The following TKT variants were observed in gnomAD, a reference collection of about 807,000 sequenced individuals.
TKT encodes transketolase, also known as epididymis luminal protein 107.
TKT carries 47 observed loss-of-function variants against 63.9 expected under a neutral mutation model. The ratio of observed to expected loss-of-function variants is 0.74; its 90% CI spans 0.58 to 0.94. The LOEUF (loss-of-function observed/expected upper bound fraction) is 0.94, where lower values mean the gene tolerates loss of function less well. TKT is among the 40% of genes least tolerant of loss of function. TKT has a pLI of 0.00. For synonymous variants in TKT, 338 were observed against 334.1 expected, an observed-to-expected ratio of 1.01 and a Z score of -0.13; for missense variants, 721 against 846.2, an observed-to-expected ratio of 0.85 and a Z score of 1.84.
chr3:53,235,973 G>A (rs1427673822), intron 4 of TKT, among the ~76,000 whole-genome samples: 1 of 152,290 alleles, frequency 6.6e-6, no homozygotes, highest in East Asian at 1.9e-4. Flanking sequence ...GGGGGTAGCA[G>A]AGGGACGGCA....
In TKT at chr3:53,227,629, C is replaced by G. The variant is rs551447297; in HGVS notation, c.1573+427G>C. 21 of 168,066 alleles carry G rather than the reference C, an allele frequency of 1.2e-4. No homozygotes were observed. In the East Asian group the frequency reaches 3.4e-3, roughly 27 times the overall value. The allele number at this position is 168,066 out of a possible 1,614,324, so 10.4% of individuals were successfully genotyped here. A position where few individuals can be genotyped will look rare whatever the true frequency, so the allele number is the denominator to read the frequency against. ...AGCTCGCAGTAATAATAATAGAATA[C>G]CAAGTCACATGCATGTAACCCTCAG... On this transcript the variant is annotated intron_variant, in intron 12 of 13. Transcript: ENST00000462138.
At chr3:53,226,913 G>A (rs1553675685) in intron 12 of TKT, 35 bp from the exon 13 acceptor site, 1 of 1,570,396 alleles carries the variant, frequency 6.4e-7, no homozygotes. Flanking sequence ...GCTGAGGGGA[G>A]GGCTGGGCAC....
At chr3:53,226,725 TG>T in intron 13 of TKT, 30 bp downstream of exon 13, 1 of 1,613,980 alleles carries the variant, frequency 6.2e-7, no homozygotes, top group Non-Finnish European at 8.5e-7. Flanking sequence ...CCCTGTCCCT[TG>T]CCCAGCCTGC....
In TKT at chr3:53,255,858, C is replaced by A; in HGVS notation, c.85G>T (p.Ala29Ser). The A allele has an allele frequency of 6.5e-7, 1 of 1,542,196 alleles. No individual in the cohort carries two copies. The highest frequency in any genetic ancestry group is 8.7e-7 in the Non-Finnish European group (1 of 1,145,022). Residue 29 changes from alanine to serine, a missense_variant, in exon 1 of 14, where the codon GCC becomes TCC. Physicochemically the swap from Ala to Ser is moderately conservative, Grantham distance 99 (BLOSUM62 1). Transcript: ENST00000462138. ...ANRLRISSIQ[A>S]TTAAGSGHPT... Reference sequence around the variant, plus strand: ...CACCCAGAGCCCGCCGCAGTGGTGGCCTGGATGGAGCTGATACGTAGGCGG... The same window carrying A: ...CACCCAGAGCCCGCCGCAGTGGTGGACTGGATGGAGCTGATACGTAGGCGG...
chr3:53,240,264 A>C lies in TKT; in HGVS notation c.424T>G (p.Phe142Val). Residue 142 changes from phenylalanine to valine, a missense_variant, in exon 4 of 14, where the codon TTC (phenylalanine) becomes GTC (valine). Transcript: ENST00000462138. ...ACGMAYTGKY[F>V]DKASYRVYCL... ...TAGGTGTGTTACCTGGCCTTGTCGA[A>C]GTATTTGCCGGTGTAGGCCATCCCA... 1 of 1,612,812 alleles carries C rather than the reference A, an allele frequency of 6.2e-7. No individual in the cohort carries two copies. The highest frequency in any genetic ancestry group is 8.5e-7 in the Non-Finnish European group (1 of 1,179,010).
rs1323838704 is a variant in TKT at position 53,230,638 on chromosome 3, G to A, written c.943-17C>T. ...GGTGGCTATCTGTGAGGAAGAGAGT[G>A]GGAAGGCTCTGGACCCCTCTGAGGG... On this transcript the variant is annotated splice_polypyrimidine_tract_variant and intron_variant, in intron 7 of 13. Coordinates refer to ENST00000462138, the MANE Select transcript of TKT (RefSeq NM_001064.4). 17 of 1,613,796 alleles carry A rather than the reference G, an allele frequency of 1.1e-5. No individual in the cohort carries two copies. The highest frequency in any genetic ancestry group is 1.4e-5 in the Non-Finnish European group (17 of 1,179,870).
At chr3:53,254,942 C>T (rs1035155934) in intron 1 of TKT, among the ~76,000 whole-genome samples, 1 of 152,232 alleles carries the variant, frequency 6.6e-6, no homozygotes, top group African/African-American at 2.4e-5. Context: ...CCAGCTCCTG[C>T]CTGGGAGATA....
In TKT at chr3:53,255,833, C is replaced by T; in HGVS notation, c.107+3G>A. 6.6e-7 allele frequency: 1 copy of T among 1,515,226 alleles called. No homozygotes were observed. The highest frequency in any genetic ancestry group is 8.8e-7 in the Non-Finnish European group (1 of 1,130,192). The allele number at this position is 1,515,226 out of a possible 1,614,324, so 93.9% of individuals were successfully genotyped here. A position where few individuals can be genotyped will look rare whatever the true frequency, so the allele number is the denominator to read the frequency against. ...GCGTCCCCGGCCGGCGCCGCGCACT[C>T]ACCCAGAGCCCGCCGCAGTGGTGGC... On this transcript the variant is annotated splice_donor_region_variant and intron_variant, in intron 1 of 13. Coordinates refer to ENST00000462138, the MANE Select transcript of TKT (RefSeq NM_001064.4).
intron 1 of TKT, among the ~76,000 whole-genome samples, chr3:53,247,828 C>T (rs1264498684): frequency 3.9e-5 from 6 of 152,042 alleles, no homozygotes; most frequent in African/African-American, 1.4e-4. Context: ...TTCCAAGAAG[C>T]CCTCCCTGAC....
intron 2 of TKT, 179 bp downstream of exon 2, chr3:53,241,946 T>C (rs989880960): frequency 1.6e-6 from 1 of 623,620 alleles, no homozygotes; most frequent in Non-Finnish European, 2.9e-6. Flanking sequence ...CCTGTATTCC[T>C]TAGCCAGCTG....
intron 1 of TKT, among the ~76,000 whole-genome samples, chr3:53,254,459 G>A (rs13059189): frequency 0.31 from 46,869 of 148,902 alleles, 8,118 homozygotes; most frequent in Admixed American, 0.46. Flanking sequence ...AGAACAGGGT[G>A]TCTTAGAGGC....
At position 53,225,574 on chromosome 3, in the gene TKT, G is replaced by A. The variant is rs552192052; in HGVS notation, c.*182C>T. The A allele has an allele frequency of 1.8e-3, 1,238 of 669,758 alleles. 5 individuals carry two copies. Among genetic ancestry groups the A allele is most frequent in the Non-Finnish European group, 2.6e-3 (1,132 of 435,342 alleles). The allele number at this position is 669,758 out of a possible 1,614,324, so 41.5% of individuals were successfully genotyped here. On this transcript the variant is annotated 3_prime_UTR_variant, in exon 14 of 14. Coordinates refer to ENST00000462138, the MANE Select transcript of TKT (RefSeq NM_001064.4). ...GACCAAGGACACCAGCCTCCCTAGC[G>A]CACCCTCCACGCTTCTTCCCCAGAA...
At chr3:53,241,936 C>A in intron 2 of TKT, 189 bp downstream of exon 2, 1 of 608,766 alleles carries the variant, frequency 1.6e-6, no homozygotes, top group Middle Eastern at 4.4e-4. Context: ...TCAATTCAGT[C>A]CTGTATTCCT....
intron 6 of TKT, chr3:53,232,454 C>G: frequency 2.5e-6 from 1 of 399,014 alleles, no homozygotes; most frequent in Middle Eastern, 6.3e-4. Context: ...GGGCATTTGG[C>G]AGGGAAGCCG....
At chr3:53,249,601 A>C (rs1223076740) in intron 1 of TKT, among the ~76,000 whole-genome samples, 1 of 152,266 alleles carries the variant, frequency 6.6e-6, no homozygotes, top group African/African-American at 2.4e-5. Context: ...AAATAAATGA[A>C]GAAAAAGGTG....
chr3:53,227,005 G>C, intron 12 of TKT, 127 bp from the exon 13 acceptor site: 1 of 1,211,386 alleles, frequency 8.3e-7, no homozygotes, highest in African/African-American at 1.5e-5. Context: ...GCCTGTCCCT[G>C]TCCCAGGGAG....
intron 5 of TKT, 199 bp from the exon 6 acceptor site, chr3:53,233,473 AT>A: frequency 2.0e-6 from 1 of 502,454 alleles, no homozygotes; most frequent in South Asian, 3.0e-5. Flanking sequence ...TTTTCACATT[AT>A]TTTACTTCCT....
At position 53,231,506 on chromosome 3, in the gene TKT, T is replaced by C; in HGVS notation, c.793A>G (p.Asn265Asp). The C allele has an allele frequency of 6.2e-7, 1 of 1,614,102 alleles. No homozygotes were observed. The highest frequency in any genetic ancestry group is 8.5e-7 in the Non-Finnish European group (1 of 1,179,998). The change falls in exon 7 of 14, where the codon AAC becomes GAC. Residue 265 changes from asparagine (N) to aspartate (D), a missense_variant. Coordinates refer to ENST00000462138, the MANE Select transcript of TKT (RefSeq NM_001064.4). ...ESWHGKPLPK[N>D]MAEQIIQEIY... ...TCCTGGATGATCTGCTCAGCCATGT[T>C]TTTGGGGAGGGGCTTCCCATGCCAA...
At position 53,228,634 on chromosome 3, in the gene TKT, G is replaced by A. The variant is rs141188765; in HGVS notation, c.1396-275C>T. On this transcript the variant is annotated intron_variant, in intron 10 of 13. Coordinates refer to ENST00000462138, the MANE Select transcript of TKT (RefSeq NM_001064.4). ...CTACTCCCACAGACTGCACCAGGCAGAGGGGCAGGAACCACGCGCACTGGG... is the reference window on the plus strand; with the variant it reads ...CTACTCCCACAGACTGCACCAGGCAAAGGGGCAGGAACCACGCGCACTGGG... 3.1e-3 allele frequency: 1,615 copies of A among 514,754 alleles called. 15 individuals carry two copies. Among genetic ancestry groups the A allele is most frequent in the South Asian group, 0.012 (601 of 49,360 alleles). 31.9% of individuals were successfully genotyped at this position (514,754 alleles called of 1,614,324 possible).
Sources: allele counts gnomAD v4.1 joint callset (sites outside exome capture counted in the v4.1 genomes callset), GRCh38; gene constraint gnomAD v4.1.1; transcripts MANE v1.5; gene names NCBI Gene and HGNC (gene_info 2026-07-23, HGNC 2026-07-21).